Variants in SHB observed in about 807,000 individuals in gnomAD.
SHB encodes the protein SH2 domain containing adaptor protein B, also known as SH2 domain-containing adapter protein B.
A neutral mutation model predicts 52.3 loss-of-function variants in SHB; 20 were observed. That is an observed-to-expected ratio of 0.38 (90% CI 0.27 to 0.56). SHB has a LOEUF of 0.56. SHB is among the 20% of genes least tolerant of loss of function. The pLI is 0.71. For synonymous variants in SHB, 397 were observed against 316.5 expected (o/e 1.25, Z -2.70); for missense variants, 825 against 723.3 (o/e 1.14, Z -1.61).
intron 1 of SHB, among the ~76,000 whole-genome samples, chr9:38,059,964 A>T (rs1026575211): frequency 6.6e-6 from 1 of 152,184 alleles, no homozygotes; most frequent in Admixed American, 6.5e-5. Context: ...TGGAATACTT[A>T]CATAAATGTT....
intron 2 of SHB, among the ~76,000 whole-genome samples, chr9:37,986,618 C>A (rs1458084026): frequency 2.0e-5 from 3 of 152,236 alleles, no homozygotes; most frequent in Non-Finnish European, 4.4e-5. Context: ...TCCACCCTTT[C>A]AAGAAGTGGG....
intron 2 of SHB, among the ~76,000 whole-genome samples, chr9:37,982,262 G>C (rs936069244): frequency 1.3e-5 from 2 of 152,134 alleles, no homozygotes; most frequent in Admixed American, 1.3e-4. Flanking sequence ...GGAGGCCAAG[G>C]GGGGTGGATC....
Position 38,068,352 on chromosome 9 carries a change from C to T in SHB, c.294G>A (p.Gly98=), listed in dbSNP as rs752572305. The T allele has an allele frequency of 1.9e-6, 3 of 1,563,184 alleles. No individual in the cohort carries two copies. Among genetic ancestry groups the T allele is most frequent in the Admixed American group, 3.7e-5 (2 of 54,642 alleles). The change falls in exon 1 of 6, where the codon GGG becomes GGA. Residue 98 remains glycine (G), a synonymous_variant. Coordinates refer to ENST00000377707, the MANE Select transcript of SHB (RefSeq NM_003028.3). ...KERDFEDPYN[G]PGSSLRKLRA... is the part of the protein sequence containing the mutation. Reference sequence around the variant, plus strand: ...GCAGTTTGCGCAGCGACGAGCCAGGCCCGTTGTAGGGGTCCTCGAAGTCTC... The same window carrying T: ...GCAGTTTGCGCAGCGACGAGCCAGGTCCGTTGTAGGGGTCCTCGAAGTCTC...
rs1138374 is a variant in SHB, at chr9:37,974,746, T to C, written c.930A>G (p.Ser310=). ...GGGGGCTGACTGTGCTCTCCGAGTC[T>C]GAGTCAACACTTTGGCCTTCAGGTT... is the stretch of plus-strand genomic sequence containing the variant. The part of the protein sequence containing the change: ...PYEPEGQSVD[S]DSESTVSPRL... Residue 310 remains serine, a synonymous_variant, in exon 3 of 6, where the codon TCA becomes TCG. Transcript: ENST00000377707. 866,466 of 1,613,684 alleles carry C rather than the reference T, an allele frequency of 0.54. 236,004 individuals are homozygous for C. Among genetic ancestry groups the C allele is most frequent in the East Asian group, 0.78 (35,193 of 44,854 alleles).
At chr9:38,051,713 G>A (rs1788351073) in intron 1 of SHB, among the ~76,000 whole-genome samples, 1 of 152,194 alleles carries the variant, frequency 6.6e-6, no homozygotes. Flanking sequence ...AGCAGGAGCT[G>A]ACTGATGGCA....
rs1027556947 is a variant in SHB at position 38,068,522 on chromosome 9, G to T, written c.124C>A (p.Gln42Lys). The T allele has an allele frequency of 7.5e-6, 11 of 1,463,636 alleles. No individual in the cohort carries two copies. Among genetic ancestry groups the T allele is most frequent in the Non-Finnish European group, 8.9e-6 (10 of 1,117,796 alleles). The allele number at this position is 1,463,636 out of a possible 1,614,324, so 90.7% of individuals were successfully genotyped here. ...GCGGAGGAGGCCTGCGGCACGGCCT[G>T]GGGGGGCTGCGAAGGCCGCTCGCCT... ...RRGERPSQPP[Q>K]AVPQASSAAS... The change falls in exon 1 of 6, where the codon CAG becomes AAG. Residue 42 changes from glutamine to lysine, a missense_variant. Gln to Lys is a moderately conservative substitution (Grantham distance 53). Coordinates refer to ENST00000377707, the MANE Select transcript of SHB (RefSeq NM_003028.3).
intron 2 of SHB, among the ~76,000 whole-genome samples, chr9:38,011,663 G>A (rs1200425556): frequency 6.6e-6 from 1 of 152,166 alleles, no homozygotes; most frequent in Non-Finnish European, 1.5e-5. Context: ...TCATGTCACT[G>A]CCCAATGCTG....
chr9:38,002,669 T>C (rs551543673), intron 2 of SHB, among the ~76,000 whole-genome samples: 2 of 152,244 alleles, frequency 1.3e-5, no homozygotes, highest in Admixed American at 6.5e-5. Flanking sequence ...TAAAATTCTC[T>C]CTCTGTGAAA....
chr9:38,062,962 T>C (rs564930447), intron 1 of SHB, among the ~76,000 whole-genome samples: 13 of 152,326 alleles, frequency 8.5e-5, no homozygotes, highest in South Asian at 4.1e-4. Context: ...TGATTTGTTA[T>C]GTAGCAACAG....
At chr9:37,920,358 A>C (rs1000067454) in intron 5 of SHB, among the ~76,000 whole-genome samples, 1 of 152,248 alleles carries the variant, frequency 6.6e-6, no homozygotes, top group African/African-American at 2.4e-5. Flanking sequence ...TTCTATTACC[A>C]GTGCATATCC....
rs146977921 is a variant in SHB at position 37,925,406 on chromosome 9, G to A, written c.1347-5402C>T. ...GCTTCCGGAGGGTCATCCCTATGAG[G>A]TGAGTACACAGGCACACGCTTTTCA... is the stretch of plus-strand genomic sequence containing the variant. On this transcript the variant is annotated intron_variant, in intron 5 of 5. Coordinates refer to ENST00000377707, the MANE Select transcript of SHB (RefSeq NM_003028.3). Among the ~76,000 whole-genome samples the A allele has an allele frequency of 5.7e-3, 863 of 152,342 alleles. 27 individuals carry two copies. The highest frequency in any genetic ancestry group is 0.051 in the Admixed American group (776 of 15,304).
intron 3 of SHB, among the ~76,000 whole-genome samples, chr9:37,963,806 A>G (rs1262850572): frequency 6.6e-6 from 1 of 152,192 alleles, no homozygotes; most frequent in African/African-American, 2.4e-5. Flanking sequence ...ACAACAATGC[A>G]CTAACATCTG....
intron 5 of SHB, chr9:37,936,647 T>C (rs1204351254): frequency 6.6e-6 from 1 of 152,216 alleles, no homozygotes; most frequent in Non-Finnish European, 1.5e-5. Flanking sequence ...CAAAATCAGA[T>C]GTTAGATGGC....
intron 2 of SHB, among the ~76,000 whole-genome samples, chr9:38,006,645 A>C (rs1205815987): frequency 6.6e-6 from 1 of 152,202 alleles, no homozygotes; most frequent in Non-Finnish European, 1.5e-5. Flanking sequence ...CTGCCAGGAA[A>C]GACAAGGAGT....
At chr9:37,970,136 TG>T (rs1362946680) in intron 3 of SHB, among the ~76,000 whole-genome samples, 1 of 152,190 alleles carries the variant, frequency 6.6e-6, no homozygotes, top group Non-Finnish European at 1.5e-5. Flanking sequence ...GGAACCTGAC[TG>T]GGCATTGTCC....
At chr9:37,956,993 C>G (rs1034568359) in intron 3 of SHB, among the ~76,000 whole-genome samples, 1 of 152,228 alleles carries the variant, frequency 6.6e-6, no homozygotes, top group African/African-American at 2.4e-5. Flanking sequence ...CTCACAGAAG[C>G]AACTGAACCA....
intron 5 of SHB, among the ~76,000 whole-genome samples, chr9:37,923,484 A>G (rs1219987779): frequency 2.0e-5 from 3 of 152,184 alleles, no homozygotes; most frequent in Non-Finnish European, 4.4e-5. Flanking sequence ...CTATCTGCCA[A>G]TCCTCGACCA....
At chr9:37,943,791 C>G (rs1206945852) in intron 5 of SHB, among the ~76,000 whole-genome samples, 1 of 152,226 alleles carries the variant, frequency 6.6e-6, no homozygotes, top group Non-Finnish European at 1.5e-5. Flanking sequence ...CTGCCCCCAG[C>G]TAGAAGTCCC....
chr9:37,999,033 C>T (rs570243799), intron 2 of SHB, among the ~76,000 whole-genome samples: 2 of 152,266 alleles, frequency 1.3e-5, no homozygotes, highest in South Asian at 4.1e-4. Context: ...ATCACAGAGC[C>T]CTGGGGAGCC....
Sources: gnomAD v4.1 joint callset for allele counts (sites outside exome capture counted in the v4.1 genomes callset) on GRCh38, gnomAD v4.1.1 for gene constraint, MANE v1.5 for transcripts, NCBI Gene and HGNC (gene_info 2026-07-23, HGNC 2026-07-21) for gene names.